PPP2R5B: variants seen among roughly 807,000 people sequenced by gnomAD.
The protein encoded by PPP2R5B is serine/threonine-protein phosphatase 2A 56 kDa regulatory subunit beta isoform.
In PPP2R5B, 19 loss-of-function variants were observed where a neutral mutation model predicts 59.9. The ratio of observed to expected loss-of-function variants is 0.32; its 90% CI spans 0.22 to 0.47. The LOEUF is 0.47. PPP2R5B is among the 20% of genes least tolerant of loss of function. The pLI is 1.00. For synonymous variants in PPP2R5B, 286 were observed against 260.5 expected (o/e 1.10, Z -0.94); for missense variants, 441 against 640.2 (o/e 0.69, Z 3.36).
intron 1 of PPP2R5B, among the ~76,000 whole-genome samples, chr11:64,919,039 C>G (rs760850890): frequency 6.6e-6 from 1 of 152,184 alleles, no homozygotes; most frequent in Non-Finnish European, 1.5e-5. Context: ...GATAGGACAG[C>G]CATTCAGAAA....
chr11:64,921,981 A>C (rs1464003499), upstream of PPP2R5B, among the ~76,000 whole-genome samples: 9 of 151,994 alleles, frequency 5.9e-5, no homozygotes, highest in Admixed American at 5.9e-4. Flanking sequence ...TTGGGAGGCC[A>C]AGGCGAGAGG....
chr11:64,922,183 A>AAG (rs1486941101), upstream of PPP2R5B, among the ~76,000 whole-genome samples: 1 of 151,114 alleles, frequency 6.6e-6, no homozygotes, highest in African/African-American at 2.4e-5. Flanking sequence ...CTGCAAAAAA[A>AAG]AAATAAAAAA....
intron 12 of PPP2R5B, 115 bp downstream of exon 12, chr11:64,933,007 GC>G: frequency 6.5e-7 from 1 of 1,530,614 alleles, no homozygotes. Context: ...TCAAAAGATG[GC>G]CCAGGGGTGG....
chr11:64,933,300 A>AC (rs1945248704), intron 13 of PPP2R5B, 54 bp downstream of exon 13: 2 of 1,461,884 alleles, frequency 1.4e-6, no homozygotes, highest in Non-Finnish European at 1.9e-6. Flanking sequence ...GAGGAGTCAG[A>AC]CCCCCATGGC....
Position 64,926,816 on chromosome 11 carries a change from G to A in PPP2R5B, c.304G>A (p.Val102Met), listed in dbSNP as rs2136680727. The change falls in exon 3 of 14, where the codon GTG becomes ATG. Residue 102 changes from valine (V) to methionine (M), a missense_variant. Coordinates refer to ENST00000164133, the MANE Select transcript of PPP2R5B (RefSeq NM_006244.4). ...DCVADLKGKE[V>M]KRAALNELVE... is the part of the protein sequence containing the mutation. ...TGTGGCCGACCTCAAGGGGAAGGAG[G>A]TGAAGCGGGCAGCCCTCAACGAGCT... 1 of 1,614,220 alleles carries A rather than the reference G, an allele frequency of 6.2e-7. No individual in the cohort carries two copies. The highest frequency in any genetic ancestry group is 1.3e-5 in the African/African-American group (1 of 75,050).
At chr11:64,930,176 G>T in intron 6 of PPP2R5B, 146 bp from the exon 7 acceptor site, 1 of 866,714 alleles carries the variant, frequency 1.2e-6, no homozygotes, top group East Asian at 2.5e-5. Flanking sequence ...GGCCTGGTTT[G>T]GGATGTTGGG....
chr11:64,928,219 C>G lies in PPP2R5B; in HGVS notation c.591+61C>G, dbSNP rs537736795. The G allele has an allele frequency of 3.7e-5, 59 of 1,613,278 alleles. No homozygotes were observed. In the African/African-American group the frequency reaches 7.7e-4, roughly 21 times the overall value. On this transcript the variant is annotated intron_variant, in intron 5 of 13. Coordinates refer to ENST00000164133, the MANE Select transcript of PPP2R5B (RefSeq NM_006244.4). ...GGCAGGGGCAGGCTCTCTGAGGGGC[C>G]AGGGATAGGATGGAAGCAACCTGGG...
chr11:64,928,542 C>T (rs1945193724), intron 6 of PPP2R5B, 117 bp downstream of exon 6: 8 of 1,474,898 alleles, frequency 5.4e-6, no homozygotes, highest in Admixed American at 1.8e-5. Flanking sequence ...TTTGGGAGGC[C>T]GAGGTGGGTG....
chr11:64,918,649 A>T (rs189568660), intron 1 of PPP2R5B, among the ~76,000 whole-genome samples: 11 of 148,052 alleles, frequency 7.4e-5, no homozygotes, highest in Non-Finnish European at 1.6e-4. Flanking sequence ...TATTTTATTT[A>T]TTTTTTTTGA....
At chr11:64,921,080 C>G (rs944437345), upstream of PPP2R5B, among the ~76,000 whole-genome samples, 1 of 151,632 alleles carries the variant, frequency 6.6e-6, no homozygotes, top group Admixed American at 6.6e-5. Flanking sequence ...TCAGCCTCCC[C>G]GAGTAGCTGG....
At chr11:64,919,212 G>A (rs1216479405) in intron 1 of PPP2R5B, among the ~76,000 whole-genome samples, 3 of 152,060 alleles carry the variant, frequency 2.0e-5, no homozygotes, top group Non-Finnish European at 2.9e-5. Context: ...GTGTGATGGC[G>A]GGCGCCTGTA....
upstream of PPP2R5B, among the ~76,000 whole-genome samples, chr11:64,920,925 G>T (rs1318592807): frequency 7.1e-6 from 1 of 140,452 alleles, no homozygotes; most frequent in Non-Finnish European, 1.5e-5. Context: ...ACTGCGCCCA[G>T]CCTTCGGTCC....
chr11:64,923,524 C>T (rs527381849), upstream of PPP2R5B, among the ~76,000 whole-genome samples: 4 of 152,336 alleles, frequency 2.6e-5, no homozygotes, highest in African/African-American at 9.6e-5. Context: ...TCCTGGACCC[C>T]AGCCTGGTGA....
At position 64,925,625 on chromosome 11, in the gene PPP2R5B, A is replaced by AAAGGCCGG; in HGVS notation, c.-108_-101dup. 7.2e-6 allele frequency: 1 copy of AAAGGCCGG among 138,642 alleles called. No individual in the cohort carries two copies. The highest frequency in any genetic ancestry group is 7.9e-5 in the South Asian group (1 of 12,732). 8.6% of individuals were successfully genotyped at this position (138,642 alleles called of 1,614,324 possible). On this transcript the variant is annotated 5_prime_UTR_variant, in exon 2 of 14. Transcript: ENST00000164133. This position sits in a 1 kb window ranked among gnomAD's most constrained non-coding sequence, Gnocchi z 4.6. ...AGGACTGTGGTTGTGCCCCCCCCCC[A>AAAGGCCGG]AAGGCCGGACAGGATGGGACCAAGT...
intron 11 of PPP2R5B, among the ~76,000 whole-genome samples, chr11:64,932,153 G>C (rs1007053879): frequency 2.0e-5 from 3 of 152,244 alleles, no homozygotes; most frequent in South Asian, 2.1e-4. Flanking sequence ...GGATGGAAGA[G>C]ATTGTGAGTG....
chr11:64,926,043 C>G, intron 2 of PPP2R5B, 110 bp downstream of exon 2: 1 of 1,140,218 alleles, frequency 8.8e-7, no homozygotes, highest in South Asian at 1.5e-5. Context: ...GTTTGGATAC[C>G]CCTCCAGGCT....
chr11:64,930,485 A>G lies in PPP2R5B; in HGVS notation c.787A>G (p.Ile263Val), dbSNP rs1945217024. 2 of 1,614,108 alleles carry G rather than the reference A, an allele frequency of 1.2e-6. No homozygotes were observed. Among genetic ancestry groups the G allele is most frequent in the Non-Finnish European group, 1.7e-6 (2 of 1,180,012 alleles). Residue 263 changes from isoleucine (I) to valine (V), a missense_variant, in exon 8 of 14, where the codon ATC becomes GTC. By Grantham distance (29) the Ile-to-Val change is conservative (BLOSUM62 3). Transcript: ENST00000164133. ...AELLEILGSI[I>V]NGFALPLKTE... ...TCTCTTCTGCCTCCTCCTCAGCATC[A>G]TCAATGGCTTTGCGCTGCCCCTGAA...
intron 11 of PPP2R5B, 112 bp from the exon 12 acceptor site, chr11:64,932,653 G>C: frequency 2.3e-6 from 3 of 1,317,290 alleles, no homozygotes; most frequent in Non-Finnish European, 3.2e-6. Context: ...CCCTGAAGGT[G>C]GGGTGTGTGA....
chr11:64,920,529 G>T (rs73481122), upstream of PPP2R5B, among the ~76,000 whole-genome samples: 4,596 of 152,152 alleles, frequency 0.03, 219 homozygotes, highest in African/African-American at 0.1. Flanking sequence ...AAAAATCCTC[G>T]CACAGTAAAG....
Sources: allele counts gnomAD v4.1 joint callset (sites outside exome capture counted in the v4.1 genomes callset), GRCh38; gene constraint gnomAD v4.1.1; non-coding constraint Gnocchi (gnomAD v3.1); transcripts MANE v1.5; gene names NCBI Gene and HGNC (gene_info 2026-07-23, HGNC 2026-07-21).